COL23A1: variants seen among roughly 807,000 people sequenced by gnomAD.
COL23A1 encodes collagen type XXIII alpha 1 chain.
Under a neutral mutation model 99.3 loss-of-function variants are expected in COL23A1, and 97 were observed. The observed-to-expected ratio is 0.98, with a 90% CI of 0.83 to 1.16. COL23A1 has a LOEUF of 1.16. Among genes scored for constraint, COL23A1 ranks in the 50% most tolerant of loss-of-function variants. The pLI, the probability that COL23A1 is intolerant of heterozygous loss-of-function variation, is 0.00. For synonymous variants in COL23A1, 320 were observed against 308.2 expected (o/e 1.04, Z -0.40); for missense variants, 762 against 757.4 (o/e 1.01, Z -0.07).
intron 2 of COL23A1, among the ~76,000 whole-genome samples, chr5:178,335,470 A>T (rs562000164): frequency 1.5e-4 from 23 of 152,144 alleles, no homozygotes; most frequent in Non-Finnish European, 2.6e-4. Flanking sequence ...AGCTGCTTAG[A>T]TCACATGACT....
At chr5:178,533,340 T>G (rs1760755603) in intron 2 of COL23A1, among the ~76,000 whole-genome samples, 1 of 152,162 alleles carries the variant, frequency 6.6e-6, no homozygotes, top group Non-Finnish European at 1.5e-5. Context: ...TTTGTGCCCA[T>G]GGAATAACTC....
rs558074683 is a variant in COL23A1 at position 178,325,619 on chromosome 5, C to T, written c.362-18700G>A. Among the ~76,000 whole-genome samples the T allele has an allele frequency of 2.4e-4, 37 of 152,320 alleles. No individual in the cohort carries two copies. In the South Asian group the frequency reaches 4.8e-3, roughly 20 times the overall value. On this transcript the variant is annotated intron_variant, in intron 2 of 28. Coordinates refer to ENST00000390654, the MANE Select transcript of COL23A1 (RefSeq NM_173465.4). Reference sequence around the variant, plus strand: ...CACTTGCTACAGTGATTACTTAGCACACTGGGATGGAGCCGTCTGCCCATC... The same window carrying T: ...CACTTGCTACAGTGATTACTTAGCATACTGGGATGGAGCCGTCTGCCCATC...
chr5:178,270,635 G>A (rs1279924231), intron 5 of COL23A1, among the ~76,000 whole-genome samples: 3 of 152,208 alleles, frequency 2.0e-5, no homozygotes, highest in Non-Finnish European at 4.4e-5. Context: ...CTGCTGGGGT[G>A]GGCATGTGAC....
intron 2 of COL23A1, among the ~76,000 whole-genome samples, chr5:178,418,500 A>G (rs747476159): frequency 6.6e-6 from 1 of 152,236 alleles, no homozygotes; most frequent in Non-Finnish European, 1.5e-5. Flanking sequence ...GTCTCACTCT[A>G]GCATGAGTGC....
intron 5 of COL23A1, 127 bp from the exon 6 acceptor site, chr5:178,270,490 G>GC: frequency 8.9e-7 from 1 of 1,128,804 alleles, no homozygotes; most frequent in Non-Finnish European, 1.3e-6. Flanking sequence ...TCTGGGTTCA[G>GC]TCCATGTGGC....
chr5:178,246,034 A>G, intron 24 of COL23A1, 66 bp from the exon 25 acceptor site: 2 of 1,579,644 alleles, frequency 1.3e-6, no homozygotes, highest in Non-Finnish European at 1.7e-6. Context: ...GCTGCTGGGA[A>G]GTCCAGCCCT....
At chr5:178,422,562 C>A (rs754381317) in intron 2 of COL23A1, among the ~76,000 whole-genome samples, 1 of 152,148 alleles carries the variant, frequency 6.6e-6, no homozygotes, top group Admixed American at 6.5e-5. Context: ...GCTGTCTGCA[C>A]GTCCCTGAGC....
In COL23A1 at chr5:178,534,251, C is replaced by T. The variant is rs574633783; in HGVS notation, c.361+26431G>A. On this transcript the variant is annotated intron_variant, in intron 2 of 28. Coordinates refer to ENST00000390654, the MANE Select transcript of COL23A1 (RefSeq NM_173465.4). ...ACAACCATCTTATTGTACCTTCACA[C>T]GGTGGAAGGAAAAACAGGCCTTTCT... Among the ~76,000 whole-genome samples, 14 of 152,180 alleles carry T rather than the reference C, an allele frequency of 9.2e-5. 1 individual carries two copies. The South Asian group carries it at 2.5e-3, about 27-fold the overall frequency.
chr5:178,529,266 C>T (rs950599360), intron 2 of COL23A1, among the ~76,000 whole-genome samples: 7 of 151,986 alleles, frequency 4.6e-5, no homozygotes, highest in African/African-American at 1.7e-4. Flanking sequence ...GCGGCTCCTC[C>T]AGCCTCTACT....
rs114582223 is a variant in COL23A1 at position 178,562,173 on chromosome 5, C to G, written c.295-1425G>C. The G allele has an allele frequency of 6.8e-3, 3,086 of 455,946 alleles. 78 individuals carry two copies. Among genetic ancestry groups the G allele is most frequent in the African/African-American group, 0.057 (2,786 of 48,890 alleles). The allele number at this position is 455,946 out of a possible 1,614,324, so 28.2% of individuals were successfully genotyped here. A position where few individuals can be genotyped will look rare whatever the true frequency, so the allele number is the denominator to read the frequency against. On this transcript the variant is annotated intron_variant, in intron 1 of 28. Transcript: ENST00000390654. Reference sequence around the variant, plus strand: ...TGGAGAACTGCTTTAACGCGAGAGGCGGAGGTTGCAGTGAGCCGAGATCGC... The same window carrying G: ...TGGAGAACTGCTTTAACGCGAGAGGGGGAGGTTGCAGTGAGCCGAGATCGC...
chr5:178,486,100 T>C (rs1757612056), intron 2 of COL23A1, among the ~76,000 whole-genome samples: 1 of 152,238 alleles, frequency 6.6e-6, no homozygotes, highest in Non-Finnish European at 1.5e-5. Flanking sequence ...CACTTTCTGA[T>C]GTGGACGTGC....
chr5:178,465,694 C>T (rs762382136), intron 2 of COL23A1, among the ~76,000 whole-genome samples: 1 of 152,230 alleles, frequency 6.6e-6, no homozygotes, highest in African/African-American at 2.4e-5. Context: ...CAGCAGTGAA[C>T]AGAAGAGCAA....
At chr5:178,564,968 A>G (rs747843001) in intron 1 of COL23A1, among the ~76,000 whole-genome samples, 18 of 152,266 alleles carry the variant, frequency 1.2e-4, no homozygotes, top group Non-Finnish European at 2.5e-4. Flanking sequence ...GCAAAACATG[A>G]TATTTATGCA....
Position 178,257,755 on chromosome 5 carries a change from C to T in COL23A1, c.730-188G>A, listed in dbSNP as rs1404874076. 4.6e-5 allele frequency among the ~76,000 whole-genome samples: 7 copies of T among 152,378 alleles called. No homozygotes were observed. In the East Asian group the frequency reaches 1.4e-3, roughly 29 times the overall value. ...TGGGGTCAGACCCATCTCTGTGTGT[C>T]CCCTGTTCCCACCAGCCCAGGGCTG... On this transcript the variant is annotated intron_variant, in intron 12 of 28. Transcript: ENST00000390654.
intron 2 of COL23A1, among the ~76,000 whole-genome samples, chr5:178,456,789 A>AT (rs1237204135): frequency 6.6e-6 from 1 of 152,104 alleles, no homozygotes; most frequent in Non-Finnish European, 1.5e-5. Flanking sequence ...AGTGAGAAAA[A>AT]TTTTTGCAAC....
chr5:178,288,749 C>T (rs1032404682), intron 4 of COL23A1, among the ~76,000 whole-genome samples: 3 of 151,910 alleles, frequency 2.0e-5, no homozygotes, highest in Non-Finnish European at 4.4e-5. Context: ...TCAGTTGCCA[C>T]TGGGATGGGG....
At chr5:178,484,611 C>T (rs1321972596) in intron 2 of COL23A1, among the ~76,000 whole-genome samples, 2 of 151,914 alleles carry the variant, frequency 1.3e-5, no homozygotes, top group Middle Eastern at 3.2e-3. Context: ...ATCACGAGGT[C>T]GGGAGATTGA....
chr5:178,435,278 T>C (rs1766495348), intron 2 of COL23A1, among the ~76,000 whole-genome samples: 1 of 152,184 alleles, frequency 6.6e-6, no homozygotes, highest in African/African-American at 2.4e-5. Flanking sequence ...GTGTGGCTCA[T>C]TCCCAGCTGA....
chr5:178,358,505 ATG>A (rs922659839), intron 2 of COL23A1, among the ~76,000 whole-genome samples: 12 of 104,232 alleles, frequency 1.2e-4, no homozygotes, highest in East Asian at 2.9e-4. Flanking sequence ...ATGCGTGTAT[ATG>A]TGTGTATGTG....
Sources: allele counts gnomAD v4.1 joint callset (sites outside exome capture counted in the v4.1 genomes callset), GRCh38; gene constraint gnomAD v4.1.1; transcripts MANE v1.5; gene names NCBI Gene and HGNC (gene_info 2026-07-23, HGNC 2026-07-21).